PTPN9: variants seen among roughly 807,000 people sequenced by gnomAD.
PTPN9 encodes the protein tyrosine-protein phosphatase non-receptor type 9.
In PTPN9, 26 loss-of-function variants were observed where a neutral mutation model predicts 69.8. The ratio of observed to expected loss-of-function variants is 0.37; its 90% CI spans 0.27 to 0.52. The LOEUF is 0.52. Among genes scored for constraint, PTPN9 ranks in the 20% least tolerant of loss-of-function variants. The probability of loss-of-function intolerance (pLI) is 0.91; values close to 1 mark genes in which losing one functional copy is unlikely to be tolerated. For missense variants in PTPN9, 549 were observed against 740.3 expected (o/e 0.74, Z 3.00); for synonymous variants, 274 against 272.5 (o/e 1.01, Z -0.05).
chr15:75,578,802 C>A lies in PTPN9; in HGVS notation c.-26G>T, dbSNP rs2075186110. ...CCCCCCGCCACCGCCGCCGGGCGGACAAAACTCGCTCGCGAGCGCGGGAGC... is the reference window on the plus strand; with the variant it reads ...CCCCCCGCCACCGCCGCCGGGCGGAAAAAACTCGCTCGCGAGCGCGGGAGC... On this transcript the variant is annotated 5_prime_UTR_variant, in exon 1 of 13. Transcript: ENST00000618819. 7 of 1,219,804 alleles carry A rather than the reference C, an allele frequency of 5.7e-6. No individual in the cohort carries two copies. The highest frequency in any genetic ancestry group is 6.1e-6 in the Non-Finnish European group (6 of 979,814). The allele number at this position is 1,219,804 out of a possible 1,614,324, so 75.6% of individuals were successfully genotyped here. A position where few individuals can be genotyped will look rare whatever the true frequency, so the allele number is the denominator to read the frequency against.
chr15:75,502,732 C>T (rs893252896), intron 7 of PTPN9, among the ~76,000 whole-genome samples: 1 of 151,984 alleles, frequency 6.6e-6, no homozygotes, highest in Non-Finnish European at 1.5e-5. Flanking sequence ...AATGTTATAC[C>T]ATAAATGTTA....
chr15:75,504,147 C>T (rs2074797468), intron 7 of PTPN9, among the ~76,000 whole-genome samples: 3 of 119,350 alleles, frequency 2.5e-5, no homozygotes, highest in South Asian at 2.9e-4. Context: ...GCCCCCCGCC[C>T]GGACAGCCGC....
intron 7 of PTPN9, among the ~76,000 whole-genome samples, chr15:75,498,357 G>T (rs907383873): frequency 6.6e-6 from 1 of 152,012 alleles, no homozygotes; most frequent in East Asian, 1.9e-4. Flanking sequence ...GAGAAATGGA[G>T]AATAGATTAG....
At chr15:75,489,263 C>T (rs1201808373) in intron 8 of PTPN9, among the ~76,000 whole-genome samples, 2 of 150,960 alleles carry the variant, frequency 1.3e-5, no homozygotes, top group Non-Finnish European at 2.9e-5. Context: ...CACAATGCCA[C>T]ACACTTAAAA....
At chr15:75,508,388 T>C (rs1363171779) in intron 6 of PTPN9, among the ~76,000 whole-genome samples, 1 of 152,082 alleles carries the variant, frequency 6.6e-6, no homozygotes, top group African/African-American at 2.4e-5. Flanking sequence ...TTTTGAACGC[T>C]TTTGAAATTG....
In PTPN9 at chr15:75,574,299, A is replaced by G. The variant is rs533601101; in HGVS notation, c.63+4415T>C. On this transcript the variant is annotated intron_variant, in intron 1 of 12. Coordinates refer to ENST00000618819, the MANE Select transcript of PTPN9 (RefSeq NM_002833.4). The stretch of plus-strand genomic sequence containing the variant: ...GATCCTGTCTCCACAAAAAAAAAAA[A>G]AAAAGGCAACCAGAAGCCACTAAAG... Among the ~76,000 whole-genome samples, 4 of 152,054 alleles carry G rather than the reference A, an allele frequency of 2.6e-5. No individual in the cohort carries two copies. The South Asian group carries it at 6.2e-4, about 24-fold the overall frequency.
chr15:75,574,045 T>C (rs1029173845), intron 1 of PTPN9, among the ~76,000 whole-genome samples: 3 of 152,088 alleles, frequency 2.0e-5, no homozygotes, highest in African/African-American at 7.2e-5. Context: ...ATAAGGCCAG[T>C]GTGCATGGAG....
chr15:75,509,773 C>T (rs1489363785), intron 5 of PTPN9, among the ~76,000 whole-genome samples: 1 of 151,572 alleles, frequency 6.6e-6, no homozygotes, highest in Non-Finnish European at 1.5e-5. Flanking sequence ...CACTTGATGT[C>T]AGGAGTTTGA....
chr15:75,515,426 CAAAAAAAAA>C (rs34643551), intron 5 of PTPN9, among the ~76,000 whole-genome samples: 41 of 69,412 alleles, frequency 5.9e-4, no homozygotes, highest in African/African-American at 2.0e-3. Context: ...GACTCCGTCT[CAAAAAAAAA>C]AAAAAAAAAA....
chr15:75,539,724 T>A (rs1002267565), intron 1 of PTPN9, among the ~76,000 whole-genome samples: 1 of 152,032 alleles, frequency 6.6e-6, no homozygotes. Flanking sequence ...CAGGCTGGAG[T>A]GCAGCGGTGT....
At chr15:75,499,684 G>A (rs1346847235) in intron 7 of PTPN9, among the ~76,000 whole-genome samples, 2 of 151,904 alleles carry the variant, frequency 1.3e-5, no homozygotes, top group African/African-American at 2.4e-5. Context: ...GATTACAGGC[G>A]TGAGCCACCG....
At chr15:75,507,837 G>A (rs2074827566) in intron 6 of PTPN9, among the ~76,000 whole-genome samples, 1 of 151,944 alleles carries the variant, frequency 6.6e-6, no homozygotes, top group Non-Finnish European at 1.5e-5. Flanking sequence ...GAGGTCAGGA[G>A]TTCGAGACCA....
At chr15:75,476,923 A>G (rs1366017144) in intron 9 of PTPN9, among the ~76,000 whole-genome samples, 3 of 152,248 alleles carry the variant, frequency 2.0e-5, no homozygotes, top group African/African-American at 7.2e-5. Context: ...CAGTCAGAGC[A>G]TATGGTAACT....
chr15:75,491,143 C>T (rs1228519485), intron 7 of PTPN9, among the ~76,000 whole-genome samples: 4 of 151,700 alleles, frequency 2.6e-5, no homozygotes, highest in Non-Finnish European at 5.9e-5. Context: ...TGGCTCATGC[C>T]TGTAATCCCA....
intron 7 of PTPN9, among the ~76,000 whole-genome samples, chr15:75,499,495 T>C (rs1298622644): frequency 3.0e-5 from 4 of 135,184 alleles, no homozygotes; most frequent in Non-Finnish European, 6.1e-5. Flanking sequence ...AACCTCCGCC[T>C]CCTGGGCTCA....
chr15:75,488,056 G>A lies in PTPN9; in HGVS notation c.1062+2152C>T, dbSNP rs537089298. Among the ~76,000 whole-genome samples, 303 of 152,154 alleles carry A rather than the reference G, an allele frequency of 2.0e-3. 2 individuals are homozygous for A. Among genetic ancestry groups the A allele is most frequent in the Admixed American group, 4.3e-3 (65 of 15,276 alleles). On this transcript the variant is annotated intron_variant, in intron 8 of 12. Coordinates refer to ENST00000618819, the MANE Select transcript of PTPN9 (RefSeq NM_002833.4). ...AGCACTTTGGGAGGCTGAGGCAGGC[G>A]GATCACCCCAGGTCAGGAGTTCAAG...
At chr15:75,504,283 C>T (rs1391975935) in intron 7 of PTPN9, among the ~76,000 whole-genome samples, 31 of 131,860 alleles carry the variant, frequency 2.4e-4, no homozygotes, top group African/African-American at 8.9e-4. Context: ...CCCGGCCAGC[C>T]GCCCCGTCCG....
chr15:75,566,447 C>T (rs1255597989), intron 1 of PTPN9, among the ~76,000 whole-genome samples: 1 of 151,902 alleles, frequency 6.6e-6, no homozygotes, highest in Non-Finnish European at 1.5e-5. Flanking sequence ...TTTGGGAGGC[C>T]GAGGTGGGCA....
rs183871142 is a variant in PTPN9, at chr15:75,547,305, A to G, written c.64-20044T>C. On this transcript the variant is annotated intron_variant, in intron 1 of 12. Transcript: ENST00000618819. ...GCAAGACTCTGTCTCAAAAAAAAAA[A>G]AAAAAAAAAAAGGCCAGGCACAGTG... is the stretch of plus-strand genomic sequence containing the variant. Among the ~76,000 whole-genome samples the G allele has an allele frequency of 7.9e-3, 1,161 of 146,108 alleles. 16 individuals are homozygous for G. The highest frequency in any genetic ancestry group is 0.028 in the African/African-American group (1,090 of 39,532).
Sources: gnomAD v4.1 joint callset for allele counts (sites outside exome capture counted in the v4.1 genomes callset) on GRCh38, gnomAD v4.1.1 for gene constraint, MANE v1.5 for transcripts, NCBI Gene and HGNC (gene_info 2026-07-23, HGNC 2026-07-21) for gene names.